UNC13C: variants seen among roughly 807,000 people sequenced by gnomAD.
The protein encoded by UNC13C is unc-13 homolog C.
Under a neutral mutation model 245.4 loss-of-function variants are expected in UNC13C, and 174 were observed. That is an observed-to-expected ratio of 0.71 (90% CI 0.63 to 0.80). UNC13C has a LOEUF of 0.80. Ranked by LOEUF, UNC13C falls within the 30% of genes least tolerant of loss-of-function variation. UNC13C has a pLI of 0.00. For synonymous variants in UNC13C, 992 were observed against 895.1 expected (o/e 1.11, Z -1.93); for missense variants, 2,829 against 2,602.9 (o/e 1.09, Z -1.89).
chr15:54,163,358 C>CA (rs2141270554), intron 4 of UNC13C, among the ~76,000 whole-genome samples: 1 of 152,286 alleles, frequency 6.6e-6, no homozygotes, highest in South Asian at 2.1e-4. Context: ...CAGAGCCTTG[C>CA]AGAGACCTTA....
chr15:54,267,452 G>A (rs74013577), intron 10 of UNC13C, among the ~76,000 whole-genome samples: 3,818 of 152,158 alleles, frequency 0.025, 157 homozygotes, highest in African/African-American at 0.088. Flanking sequence ...CTGTAGCTTT[G>A]TTGTAGATGC....
intron 19 of UNC13C, among the ~76,000 whole-genome samples, chr15:54,450,989 G>A (rs1204883819): frequency 6.6e-6 from 1 of 152,068 alleles, no homozygotes; most frequent in African/African-American, 2.4e-5. Flanking sequence ...ATTTATGAAG[G>A]ATAACTTTAC....
intron 19 of UNC13C, among the ~76,000 whole-genome samples, chr15:54,453,893 A>T (rs192572815): frequency 3.2e-4 from 49 of 152,284 alleles, no homozygotes; most frequent in Non-Finnish European, 5.6e-4. Context: ...AGTGTTGTGC[A>T]ACGAGCACCC....
At chr15:54,174,879 C>A (rs960759391) in intron 4 of UNC13C, among the ~76,000 whole-genome samples, 5 of 152,152 alleles carry the variant, frequency 3.3e-5, no homozygotes, top group Non-Finnish European at 5.9e-5. Context: ...AATTAAGATG[C>A]CAGTTATCCA....
chr15:53,919,714 T>G, the UNC13C span, among the ~76,000 whole-genome samples: 2 of 152,230 alleles, frequency 1.3e-5, no homozygotes, highest in Admixed American at 6.5e-5. Flanking sequence ...GAGAGTCTGT[T>G]GGTACTCACA....
At chr15:54,403,570 G>T (rs2040231472) in intron 18 of UNC13C, among the ~76,000 whole-genome samples, 1 of 151,694 alleles carries the variant, frequency 6.6e-6, no homozygotes, top group African/African-American at 2.4e-5. Context: ...ACAAAAATTA[G>T]CCAGGCATTT....
intron 10 of UNC13C, among the ~76,000 whole-genome samples, chr15:54,284,627 G>GCA (rs71132799): frequency 0.23 from 35,232 of 150,924 alleles, 4,451 homozygotes; most frequent in Non-Finnish European, 0.29. Flanking sequence ...GCACACTTGT[G>GCA]CACACACACA....
At chr15:54,535,058 A>G (rs1173689177) in intron 26 of UNC13C, among the ~76,000 whole-genome samples, 1 of 152,242 alleles carries the variant, frequency 6.6e-6, no homozygotes, top group African/African-American at 2.4e-5. Context: ...GCACATATCA[A>G]TATCAACCTT....
intron 7 of UNC13C, among the ~76,000 whole-genome samples, chr15:54,245,002 T>A (rs1351624005): frequency 6.6e-6 from 1 of 152,164 alleles, no homozygotes; most frequent in African/African-American, 2.4e-5. Flanking sequence ...CAATACTATG[T>A]TGAATAGGAG....
chr15:53,943,023 A>C, the UNC13C span, among the ~76,000 whole-genome samples: 1 of 152,204 alleles, frequency 6.6e-6, no homozygotes, highest in Non-Finnish European at 1.5e-5. Context: ...TAAGAACAGA[A>C]ACATGTTAGT....
intron 17 of UNC13C, among the ~76,000 whole-genome samples, chr15:54,365,442 A>T (rs1221905561): frequency 6.6e-6 from 1 of 152,152 alleles, no homozygotes; most frequent in Non-Finnish European, 1.5e-5. Flanking sequence ...CAGTCTATAC[A>T]ACTTGATAAA....
Position 54,038,124 on chromosome 15 carries a change from A to ATATAAAAATTTTTTTTTTTTTTTT in UNC13C, c.2983+22239_2983+22240insATAAAAATTTTTTTTTTTTTTTTT. On this transcript the variant is annotated intron_variant, in intron 2 of 32. Transcript: ENST00000260323. ...CATATATATATATATATATATATAT[A>ATATAAAAATTTTTTTTTTTTTTTT]TTTTTTTTTTTTTTTTCCTGAGACA... Among the ~76,000 whole-genome samples the ATATAAAAATTTTTTTTTTTTTTTT allele has an allele frequency of 1.8e-4, 8 of 45,038 alleles. 1 individual carries two copies. The highest frequency in any genetic ancestry group is 8.5e-4 in the African/African-American group (8 of 9,440). 29.5% of individuals were successfully genotyped at this position (45,038 alleles called of 152,430 possible). A position where few individuals can be genotyped will look rare whatever the true frequency, so the allele number is the denominator to read the frequency against.
chr15:54,504,746 A>G (rs900135948), intron 22 of UNC13C, among the ~76,000 whole-genome samples: 1 of 152,182 alleles, frequency 6.6e-6, no homozygotes, highest in African/African-American at 2.4e-5. Flanking sequence ...CATGCATAAA[A>G]TGTGAATGAA....
intron 19 of UNC13C, among the ~76,000 whole-genome samples, chr15:54,418,716 G>A (rs925800501): frequency 6.6e-6 from 1 of 152,128 alleles, no homozygotes; most frequent in Non-Finnish European, 1.5e-5. Context: ...AAGTGGCTAT[G>A]TGGGAATAAA....
In UNC13C at chr15:54,552,764, A is replaced by G. The variant is rs1289054346; in HGVS notation, c.5878-2668A>G. Among the ~76,000 whole-genome samples, 3 of 82,086 alleles carry G rather than the reference A, an allele frequency of 3.7e-5. No homozygotes were observed. The East Asian group carries it at 1.2e-3, about 32-fold the overall frequency. 53.9% of individuals were successfully genotyped at this position (82,086 alleles called of 152,430 possible). On this transcript the variant is annotated intron_variant, in intron 28 of 32. Coordinates refer to ENST00000260323, the MANE Select transcript of UNC13C (RefSeq NM_001080534.3). ...TATATTATATAGTACAATATATAATATATAGTACAATATATAATATAATAT... is the reference window on the plus strand; with the variant it reads ...TATATTATATAGTACAATATATAATGTATAGTACAATATATAATATAATAT...
At chr15:54,389,194 A>G (rs1003260325) in intron 17 of UNC13C, among the ~76,000 whole-genome samples, 4 of 152,234 alleles carry the variant, frequency 2.6e-5, no homozygotes, top group African/African-American at 9.6e-5. Context: ...TGGCACGATG[A>G]GATGGGGGAA....
At chr15:54,246,479 G>A (rs1389946023) in intron 7 of UNC13C, among the ~76,000 whole-genome samples, 1 of 151,360 alleles carries the variant, frequency 6.6e-6, no homozygotes, top group East Asian at 1.9e-4. Flanking sequence ...ATATGGGAAG[G>A]ATATGTATCA....
chr15:54,201,493 T>A lies in UNC13C; in HGVS notation c.3072-33537T>A, dbSNP rs559966233. Among the ~76,000 whole-genome samples, 26 of 151,724 alleles carry A rather than the reference T, an allele frequency of 1.7e-4. 1 individual carries two copies. The highest frequency in any genetic ancestry group is 6.0e-4 in the African/African-American group (25 of 41,406). On this transcript the variant is annotated intron_variant, in intron 4 of 32. Coordinates refer to ENST00000260323, the MANE Select transcript of UNC13C (RefSeq NM_001080534.3). ...GATCAAGTGGGTTTCATACCAGGAATGCAGGGATGGTTTAACATACTTAAG... is the reference window on the plus strand; with the variant it reads ...GATCAAGTGGGTTTCATACCAGGAAAGCAGGGATGGTTTAACATACTTAAG...
chr15:54,033,380 A>G (rs1205437069), intron 2 of UNC13C, among the ~76,000 whole-genome samples: 2 of 152,174 alleles, frequency 1.3e-5, no homozygotes, highest in Non-Finnish European at 2.9e-5. Context: ...TAATTTTTTT[A>G]ATTAAATGAC....
Sources: gnomAD v4.1 joint callset for allele counts (sites outside exome capture counted in the v4.1 genomes callset) on GRCh38, gnomAD v4.1.1 for gene constraint, MANE v1.5 for transcripts, NCBI Gene and HGNC (gene_info 2026-07-23, HGNC 2026-07-21) for gene names.